CDK14: variants seen among roughly 807,000 people sequenced by gnomAD.
The protein encoded by CDK14 is cyclin-dependent kinase 14.
A neutral mutation model predicts 60.7 loss-of-function variants in CDK14; 34 were observed. The ratio of observed to expected loss-of-function variants is 0.56; its 90% CI spans 0.43 to 0.75. CDK14 has a LOEUF of 0.75. CDK14 is among the 30% of genes least tolerant of loss of function. The pLI, the probability that CDK14 is intolerant of heterozygous loss-of-function variation, is 0.00. For synonymous variants in CDK14, 197 were observed against 203.7 expected, an observed-to-expected ratio of 0.97 and a Z score of 0.28; for missense variants, 482 against 564.1, an observed-to-expected ratio of 0.85 and a Z score of 1.47.
chr7:90,729,571 T>C (rs1802780012), intron 3 of CDK14, among the ~76,000 whole-genome samples: 1 of 151,656 alleles, frequency 6.6e-6, no homozygotes, highest in Admixed American at 6.6e-5. Flanking sequence ...CTGGAAGTTT[T>C]CACAGTTTCT....
chr7:90,996,628 T>C (rs997888667), intron 10 of CDK14, among the ~76,000 whole-genome samples: 2 of 152,220 alleles, frequency 1.3e-5, no homozygotes, highest in African/African-American at 4.8e-5. Flanking sequence ...CTTTTGACAA[T>C]GACAGTCATA....
At chr7:90,987,889 T>A (rs1385528026) in intron 10 of CDK14, among the ~76,000 whole-genome samples, 1 of 152,156 alleles carries the variant, frequency 6.6e-6, no homozygotes. Flanking sequence ...GCCAAGGAGA[T>A]AATCAACTTT....
intron 2 of CDK14, among the ~76,000 whole-genome samples, chr7:90,694,200 A>G (rs1335049106): frequency 6.6e-6 from 1 of 152,208 alleles, no homozygotes; most frequent in African/African-American, 2.4e-5. Context: ...CAAAGATGGA[A>G]TAACTATCAA....
intron 10 of CDK14, among the ~76,000 whole-genome samples, chr7:90,987,015 A>G (rs1482307096): frequency 1.4e-5 from 1 of 71,116 alleles, no homozygotes; most frequent in African/African-American, 4.8e-5. Context: ...AAATTGTTAT[A>G]TAACTGAGAT....
intron 2 of CDK14, among the ~76,000 whole-genome samples, chr7:90,612,744 C>T (rs1009301282): frequency 2.1e-5 from 3 of 142,346 alleles, no homozygotes; most frequent in Admixed American, 1.5e-4. Flanking sequence ...TGCACTCCAG[C>T]CCGGGTGACA....
intron 2 of CDK14, 59 bp from the exon 3 acceptor site, chr7:90,726,508 T>G: frequency 6.5e-7 from 1 of 1,542,666 alleles, no homozygotes; most frequent in Admixed American, 1.8e-5. Flanking sequence ...TATATTGGCA[T>G]GTTTAGTGAT....
chr7:90,650,174 C>T (rs1272396559), intron 2 of CDK14, among the ~76,000 whole-genome samples: 1 of 152,166 alleles, frequency 6.6e-6, no homozygotes, highest in Non-Finnish European at 1.5e-5. Context: ...GATGGTATCT[C>T]ATTGTGGTTT....
chr7:90,596,825 G>C, intron 1 of CDK14, 107 bp downstream of exon 1: 2 of 945,780 alleles, frequency 2.1e-6, no homozygotes, highest in African/African-American at 1.6e-5. Flanking sequence ...GCTGGCGTGG[G>C]GTGCGTTGTA....
intron 2 of CDK14, among the ~76,000 whole-genome samples, chr7:90,607,063 T>C (rs1315174580): frequency 6.6e-6 from 1 of 152,206 alleles, no homozygotes; most frequent in African/African-American, 2.4e-5. Flanking sequence ...ATCTTACACA[T>C]GAGGTGAAAC....
rs1033445605 is a variant in CDK14 at position 90,776,869 on chromosome 7, C to T, written c.465-13704C>T. Among the ~76,000 whole-genome samples, 117 of 152,214 alleles carry T rather than the reference C, an allele frequency of 7.7e-4. 1 individual carries two copies. Among genetic ancestry groups the T allele is most frequent in the Non-Finnish European group, 4.6e-4 (31 of 68,020 alleles). Reference sequence around the variant, plus strand: ...CAGTCTTGAGATGTCCAAACCTTTACAGAAGACGATAAATCTATGAACCAG... The same window carrying T: ...CAGTCTTGAGATGTCCAAACCTTTATAGAAGACGATAAATCTATGAACCAG... On this transcript the variant is annotated intron_variant, in intron 4 of 14. Transcript: ENST00000380050.
At chr7:90,625,251 G>A (rs993244448) in intron 2 of CDK14, among the ~76,000 whole-genome samples, 1 of 152,146 alleles carries the variant, frequency 6.6e-6, no homozygotes, top group African/African-American at 2.4e-5. Flanking sequence ...GAGGCAGTGG[G>A]ATGGCTTGAG....
intron 4 of CDK14, among the ~76,000 whole-genome samples, chr7:90,774,238 G>A (rs568097463): frequency 2.6e-5 from 4 of 152,080 alleles, no homozygotes; most frequent in Admixed American, 6.6e-5. Context: ...TATATATAAC[G>A]CTTAGAATTT....
At position 90,814,052 on chromosome 7, in the gene CDK14, A is replaced by G. The variant is rs1438972788; in HGVS notation, c.544+23400A>G. Among the ~76,000 whole-genome samples, 14 of 152,318 alleles carry G rather than the reference A, an allele frequency of 9.2e-5. No individual in the cohort carries two copies. In the South Asian group the frequency reaches 1.4e-3, roughly 16 times the overall value. On this transcript the variant is annotated intron_variant, in intron 5 of 14. Transcript: ENST00000380050. ...TCTCTTTCTTCCAAATTCTCTAAAT[A>G]TGTGTTACTTTTATTATCAGAAATA...
chr7:90,840,836 G>A (rs192237913), intron 5 of CDK14, among the ~76,000 whole-genome samples: 4 of 152,148 alleles, frequency 2.6e-5, no homozygotes, highest in African/African-American at 7.2e-5. Context: ...GGCTACAGCT[G>A]TTCTCCATTG....
At chr7:90,976,133 TTCCCACTAACAG>T (rs1795065591) in intron 9 of CDK14, among the ~76,000 whole-genome samples, 1 of 152,138 alleles carries the variant, frequency 6.6e-6, no homozygotes, top group Non-Finnish European at 1.5e-5. Context: ...CCATAGAACA[TTCCCACTAACAG>T]TATATAAGAG....
At chr7:91,056,761 G>A (rs1450975289) in intron 11 of CDK14, among the ~76,000 whole-genome samples, 1 of 152,148 alleles carries the variant, frequency 6.6e-6, no homozygotes, top group Non-Finnish European at 1.5e-5. Context: ...TGGCTGCATA[G>A]TATTCCATGC....
At chr7:90,838,023 G>T (rs1022277262) in intron 5 of CDK14, among the ~76,000 whole-genome samples, 4 of 152,114 alleles carry the variant, frequency 2.6e-5, no homozygotes, top group African/African-American at 9.7e-5. Flanking sequence ...ACTCACCAAA[G>T]TTCCCTCTGC....
chr7:90,653,820 C>T (rs1022338745), intron 2 of CDK14, among the ~76,000 whole-genome samples: 1 of 152,094 alleles, frequency 6.6e-6, no homozygotes, highest in African/African-American at 2.4e-5. Context: ...CCTCCTTCTC[C>T]CCCCACCTGA....
At chr7:90,987,020 T>G (rs1268356073) in intron 10 of CDK14, among the ~76,000 whole-genome samples, 3 of 69,086 alleles carry the variant, frequency 4.3e-5, no homozygotes. Context: ...GTTATATAAC[T>G]GAGATATATT....
Sources: allele counts gnomAD v4.1 joint callset (sites outside exome capture counted in the v4.1 genomes callset), GRCh38; gene constraint gnomAD v4.1.1; transcripts MANE v1.5; gene names NCBI Gene and HGNC (gene_info 2026-07-23, HGNC 2026-07-21).